Variants in ZSWIM5 observed in about 807,000 individuals in gnomAD.
The protein encoded by ZSWIM5 is zinc finger SWIM domain-containing protein 5.
In ZSWIM5, 55 loss-of-function variants were observed where a neutral mutation model predicts 119.6. The ratio of observed to expected loss-of-function variants is 0.46; its 90% confidence interval spans 0.37 to 0.58. The LOEUF (loss-of-function observed/expected upper bound fraction) is 0.58, where lower values mean the gene tolerates loss of function less well. Ranked by LOEUF, ZSWIM5 falls within the 20% of genes least tolerant of loss-of-function variation. ZSWIM5 has a pLI of 0.00. For missense variants in ZSWIM5, 1,193 were observed against 1,512.8 expected (o/e 0.79, Z 3.51); for synonymous variants, 537 against 606.9 (o/e 0.88, Z 1.69).
intron 1 of ZSWIM5, among the ~76,000 whole-genome samples, chr1:45,163,844 T>C (rs1025180262): frequency 3.3e-5 from 5 of 152,178 alleles, no homozygotes; most frequent in African/African-American, 9.6e-5. Context: ...CTACGTCTGA[T>C]TGGCGTACCT....
chr1:45,187,187 C>G (rs1646064464), intron 1 of ZSWIM5, among the ~76,000 whole-genome samples: 1 of 152,100 alleles, frequency 6.6e-6, no homozygotes, highest in South Asian at 2.1e-4. Flanking sequence ...AGGACTCACA[C>G]TTTGCAATTT....
At chr1:45,151,580 C>T (rs989640252) in intron 1 of ZSWIM5, among the ~76,000 whole-genome samples, 4 of 151,804 alleles carry the variant, frequency 2.6e-5, no homozygotes, top group Non-Finnish European at 5.9e-5. Context: ...GACAAATGTT[C>T]TCAAGGAAAG....
At chr1:45,164,299 C>G (rs1047875364) in intron 1 of ZSWIM5, among the ~76,000 whole-genome samples, 1 of 152,044 alleles carries the variant, frequency 6.6e-6, no homozygotes, top group African/African-American at 2.4e-5. Flanking sequence ...CAGGCCTGCC[C>G]TACAAGAGCT....
intron 1 of ZSWIM5, among the ~76,000 whole-genome samples, chr1:45,110,058 GA>G (rs1010723676): frequency 2.0e-5 from 3 of 151,940 alleles, no homozygotes; most frequent in Admixed American, 2.0e-4. Context: ...GCAGAGATGG[GA>G]TATCACTATG....
At chr1:45,074,003 T>C (rs1251746893) in intron 2 of ZSWIM5, among the ~76,000 whole-genome samples, 1 of 152,028 alleles carries the variant, frequency 6.6e-6, no homozygotes, top group African/African-American at 2.4e-5. Context: ...ATGGTTTTTA[T>C]CCTTTATTCT....
intron 1 of ZSWIM5, among the ~76,000 whole-genome samples, chr1:45,099,064 G>A (rs776075032): frequency 2.8e-4 from 43 of 152,172 alleles, no homozygotes; most frequent in Non-Finnish European, 5.4e-4. Flanking sequence ...AGAACTGAAG[G>A]AGACAGTGAC....
intron 1 of ZSWIM5, among the ~76,000 whole-genome samples, chr1:45,185,029 A>G (rs548590275): frequency 1.2e-3 from 186 of 151,294 alleles, no homozygotes; most frequent in African/African-American, 4.4e-3. Flanking sequence ...CCAAAACAGA[A>G]TGGTACTGGT....
intron 9 of ZSWIM5, 65 bp from the exon 10 acceptor site, chr1:45,035,888 C>A (rs1367321308): frequency 1.1e-5 from 18 of 1,594,810 alleles, no homozygotes; most frequent in Admixed American, 1.8e-5. Context: ...TGGACTTGAG[C>A]CCCAGTATCT....
chr1:45,044,723 CAAAAA>C (rs869224710), intron 5 of ZSWIM5, among the ~76,000 whole-genome samples: 57 of 4,398 alleles, frequency 0.013, 10 homozygotes, highest in Admixed American at 0.025. Flanking sequence ...GACTCCGTCT[CAAAAA>C]AAAAAAAAAA....
chr1:45,082,333 A>G (rs1336877017), intron 2 of ZSWIM5, among the ~76,000 whole-genome samples: 2 of 145,730 alleles, frequency 1.4e-5, no homozygotes, highest in African/African-American at 5.2e-5. Context: ...TTAAAAAAAA[A>G]AAAGAAAAAA....
intron 2 of ZSWIM5, among the ~76,000 whole-genome samples, chr1:45,068,484 G>A (rs1462840313): frequency 2.0e-5 from 2 of 99,172 alleles, no homozygotes; most frequent in Non-Finnish European, 4.0e-5. Flanking sequence ...CAACGAGAGC[G>A]AAACTCCGTC....
At position 45,019,757 on chromosome 1, in the gene ZSWIM5, C is replaced by T. The variant is rs140335963; in HGVS notation, c.2695+309G>A. 4.3e-3 allele frequency among the ~76,000 whole-genome samples: 648 copies of T among 152,226 alleles called. 5 individuals are homozygous for T. Among genetic ancestry groups the T allele is most frequent in the African/African-American group, 0.015 (619 of 41,538 alleles). On this transcript the variant is annotated intron_variant, in intron 13 of 13. Transcript: ENST00000359600. The surrounding 1 kb of genome is among the most constrained non-coding windows in gnomAD (Gnocchi z 5.0). The stretch of plus-strand genomic sequence containing the variant: ...GCATGCACAGGGATGGGGACCAAAC[C>T]ACTGGGCCCACTACCTCCCAAGGGA...
At chr1:45,096,907 A>G (rs1570093874) in intron 1 of ZSWIM5, among the ~76,000 whole-genome samples, 5 of 152,264 alleles carry the variant, frequency 3.3e-5, no homozygotes, top group African/African-American at 1.2e-4. Flanking sequence ...CCCCACCATC[A>G]TGTCATCCTA....
At chr1:45,132,571 T>C (rs528883441) in intron 1 of ZSWIM5, among the ~76,000 whole-genome samples, 54 of 152,328 alleles carry the variant, frequency 3.5e-4, no homozygotes, top group African/African-American at 1.3e-3. Flanking sequence ...GTTTGAGACA[T>C]TGAACCACCA....
At position 45,058,598 on chromosome 1, in the gene ZSWIM5, T is replaced by C. The variant is rs1645135906; in HGVS notation, c.1252+11A>G. 5.6e-6 allele frequency: 9 copies of C among 1,614,038 alleles called. No homozygotes were observed. The highest frequency in any genetic ancestry group is 5.3e-5 in the African/African-American group (4 of 74,940). ...TAGAACAAAGCACTTCTCTGAATGA[T>C]GGGAACTTACCTAGCTCATCCCAGA... is the stretch of plus-strand genomic sequence containing the variant. On this transcript the variant is annotated intron_variant, in intron 4 of 13. Coordinates refer to ENST00000359600, the MANE Select transcript of ZSWIM5 (RefSeq NM_020883.2).
chr1:45,055,031 G>A (rs376122222), intron 4 of ZSWIM5, among the ~76,000 whole-genome samples: 7 of 151,724 alleles, frequency 4.6e-5, no homozygotes, highest in Admixed American at 1.3e-4. Context: ...TCATTGTGTC[G>A]CCTAGGCTGG....
chr1:45,061,879 C>T (rs1342098340), intron 2 of ZSWIM5, among the ~76,000 whole-genome samples: 2 of 151,558 alleles, frequency 1.3e-5, no homozygotes, highest in Non-Finnish European at 2.9e-5. Context: ...TCACTTGAGG[C>T]CAGGAGTTTG....
At chr1:45,175,836 T>C (rs1042487608) in intron 1 of ZSWIM5, among the ~76,000 whole-genome samples, 8 of 151,966 alleles carry the variant, frequency 5.3e-5, no homozygotes, top group African/African-American at 1.2e-4. Flanking sequence ...ATTATCATTA[T>C]TTTGACACTC....
chr1:45,153,093 T>TAAAAAAAAA (rs76324771), intron 1 of ZSWIM5, among the ~76,000 whole-genome samples: 2 of 105,852 alleles, frequency 1.9e-5, no homozygotes, highest in African/African-American at 3.2e-5. Context: ...ATTAAAAAGT[T>TAAAAAAAAA]AAAAAAAAAA....
Sources: gnomAD v4.1 joint callset for allele counts (sites outside exome capture counted in the v4.1 genomes callset) on GRCh38, gnomAD v4.1.1 for gene constraint, Gnocchi (gnomAD v3.1) non-coding constraint, MANE v1.5 for transcripts, NCBI Gene and HGNC (gene_info 2026-07-23, HGNC 2026-07-21) for gene names.